Variants in VDR observed in about 807,000 individuals in gnomAD.
VDR encodes vitamin D receptor, also known as vitamin D3 receptor.
Under a neutral mutation model 39.7 loss-of-function variants are expected in VDR, and 19 were observed. The observed-to-expected ratio is 0.48, with a 90% CI of 0.33 to 0.70. VDR has a LOEUF of 0.70. Among genes scored for constraint, VDR ranks in the 30% least tolerant of loss-of-function variants. The pLI is 0.02. For missense variants in VDR, 442 were observed against 570.5 expected (o/e 0.77, Z 2.29); for synonymous variants, 242 against 215.8 (o/e 1.12, Z -1.07).
Position 47,882,703 on chromosome 12 carries a change from CA to C in VDR, c.-13del, listed in dbSNP as rs754348792. 2 of 1,475,984 alleles carry C rather than the reference CA, an allele frequency of 1.4e-6. No homozygotes were observed. The highest frequency in any genetic ancestry group is 2.4e-5 in the South Asian group (2 of 82,208). 91.4% of individuals were successfully genotyped at this position (1,475,984 alleles called of 1,614,324 possible). A position where few individuals can be genotyped will look rare whatever the true frequency, so the allele number is the denominator to read the frequency against. ...ATGAGGAAACACCTACCTGAAGGAG[CA>C]GGGGGCAGGTAAGTGGAGCCCAGGG... On this transcript the variant is annotated 5_prime_UTR_variant, in exon 2 of 10. Transcript: ENST00000549336.
chr12:47,865,497 G>C (rs1432550002), intron 3 of VDR, among the ~76,000 whole-genome samples: 4 of 151,820 alleles, frequency 2.6e-5, no homozygotes, highest in Non-Finnish European at 5.9e-5. Context: ...CTGCAGGCTG[G>C]ACCTCCTGGG....
In VDR at chr12:47,844,921, C is replaced by T. The variant is rs202139940; in HGVS notation, c.1109G>A (p.Arg370His). 37 of 1,614,052 alleles carry T rather than the reference C, an allele frequency of 2.3e-5. No homozygotes were observed. Among genetic ancestry groups the T allele is most frequent in the East Asian group, 1.8e-4 (8 of 44,868 alleles). Residue 370 changes from arginine to histidine, a missense_variant, in exon 10 of 10, where the codon CGC becomes CAC. Coordinates refer to ENST00000549336, the MANE Select transcript of VDR (RefSeq NM_000376.3). ...SNTLQTYIRC[R>H]HPPPGSHLLY... ...CAGGTGGCTGCCCGGGGGCGGGTGG[C>T]GGCAGCGGATGTACGTCTGCAGTGT...
At chr12:47,853,374 C>T (rs1445301605) in intron 7 of VDR, among the ~76,000 whole-genome samples, 3 of 149,354 alleles carry the variant, frequency 2.0e-5, no homozygotes, top group South Asian at 2.1e-4. Flanking sequence ...ACCCGGGAGG[C>T]GGAGCTTGCA....
chr12:47,874,678 T>C (rs1158291406), intron 3 of VDR, among the ~76,000 whole-genome samples: 2 of 152,220 alleles, frequency 1.3e-5, no homozygotes, highest in Non-Finnish European at 2.9e-5. Context: ...AGGCAAACGA[T>C]GACCTGTTTC....
At chr12:47,886,887 C>T (rs1946265699) in intron 1 of VDR, among the ~76,000 whole-genome samples, 2 of 152,308 alleles carry the variant, frequency 1.3e-5, no homozygotes, top group South Asian at 4.1e-4. Context: ...TGGAACAGCA[C>T]CCCATAGCTT....
rs2137146014 is a variant in VDR, at chr12:47,857,229, A to G, written c.483T>C (p.Asp161=). The stretch of plus-strand genomic sequence containing the variant: ...GCCTGGAAGGATGGCTCCCTCCACC[A>G]TCATTCACACGAACTGGAGGCTGGA... ...CQFRPPVRVN[D]GGGSHPSRPN... Residue 161 remains aspartate, a synonymous_variant, in exon 6 of 10, where the codon GAT becomes GAC. Coordinates refer to ENST00000549336, the MANE Select transcript of VDR (RefSeq NM_000376.3). The G allele has an allele frequency of 1.2e-6, 2 of 1,614,058 alleles. No homozygotes were observed. Among genetic ancestry groups the G allele is most frequent in the Admixed American group, 1.7e-5 (1 of 60,014 alleles).
intron 4 of VDR, among the ~76,000 whole-genome samples, chr12:47,864,112 G>A (rs11574070): frequency 0.024 from 3,685 of 152,264 alleles, 183 homozygotes; most frequent in African/African-American, 0.084. Context: ...GGGCCGGGTG[G>A]GGGTCTGGAT....
intron 3 of VDR, among the ~76,000 whole-genome samples, chr12:47,871,276 CTCTTTCTTTCTCTTTCTCTTTCTT>C (rs1945851373): frequency 2.2e-5 from 3 of 138,450 alleles, no homozygotes; most frequent in African/African-American, 7.6e-5. Context: ...TCTTTCTTTT[CTCTTTCTTTCTCTTTCTCTTTCTT>C]TCTTTCTTTC....
intron 3 of VDR, among the ~76,000 whole-genome samples, chr12:47,869,096 G>A (rs1945795789): frequency 6.6e-6 from 1 of 152,218 alleles, no homozygotes; most frequent in South Asian, 2.1e-4. Context: ...AGGGTTGCCT[G>A]AAAAGAGATT....
chr12:47,887,979 G>A lies in VDR; in HGVS notation c.-83-5205C>T, dbSNP rs143784926. On this transcript the variant is annotated intron_variant, in intron 1 of 9. Transcript: ENST00000549336. ...CTGACACCCCCTGCAGTATCAGGGT[G>A]TATTAGTCTGTTTTCACGATGCTGA... Among the ~76,000 whole-genome samples, 239 of 152,334 alleles carry A rather than the reference G, an allele frequency of 1.6e-3. 2 individuals are homozygous for A. The highest frequency in any genetic ancestry group is 5.1e-3 in the African/African-American group (212 of 41,584).
At chr12:47,875,669 A>T (rs919465135) in intron 3 of VDR, among the ~76,000 whole-genome samples, 1 of 152,214 alleles carries the variant, frequency 6.6e-6, no homozygotes, top group African/African-American at 2.4e-5. Flanking sequence ...CATGGTAGTT[A>T]TGGTCTATAG....
intron 1 of VDR, among the ~76,000 whole-genome samples, chr12:47,884,779 G>T (rs1453033724): frequency 6.6e-6 from 1 of 152,112 alleles, no homozygotes; most frequent in Non-Finnish European, 1.5e-5. Context: ...AGAACCTGGG[G>T]ATTGTTCTTT....
intron 1 of VDR, among the ~76,000 whole-genome samples, chr12:47,886,679 C>T (rs1163549401): frequency 6.6e-6 from 1 of 152,008 alleles, no homozygotes; most frequent in East Asian, 1.9e-4. Flanking sequence ...CAAGAGATAA[C>T]ATTCAGCTCT....
chr12:47,892,201 C>A (rs1434591821), intron 1 of VDR, among the ~76,000 whole-genome samples: 1 of 152,204 alleles, frequency 6.6e-6, no homozygotes, highest in African/African-American at 2.4e-5. Context: ...CAGGGCTGGG[C>A]TAACTCTCCA....
intron 9 of VDR, among the ~76,000 whole-genome samples, chr12:47,845,766 A>G (rs978563976): frequency 6.6e-6 from 1 of 152,220 alleles, no homozygotes; most frequent in Non-Finnish European, 1.5e-5. Flanking sequence ...GGCACAGGCC[A>G]CTAGCACAGG....
chr12:47,852,170 C>G (rs965755948), intron 7 of VDR, among the ~76,000 whole-genome samples: 1 of 152,210 alleles, frequency 6.6e-6, no homozygotes, highest in African/African-American at 2.4e-5. Flanking sequence ...TATGCAATCT[C>G]AGCCACCATT....
chr12:47,865,023 C>G, intron 4 of VDR, 24 bp downstream of exon 4: 2 of 1,612,264 alleles, frequency 1.2e-6, no homozygotes, highest in South Asian at 2.2e-5. Flanking sequence ...AGGCCCAAAC[C>G]CTGCCCAGCC....
intron 1 of VDR, chr12:47,904,576 C>T: frequency 6.5e-7 from 1 of 1,535,820 alleles, no homozygotes; most frequent in Non-Finnish European, 8.7e-7. Flanking sequence ...TCCACTCCAG[C>T]AGTTCTGAGC....
At position 47,864,106 on chromosome 12, in the gene VDR, C is replaced by T. The variant is rs542414362; in HGVS notation, c.277+941G>A. Among the ~76,000 whole-genome samples the T allele has an allele frequency of 3.9e-5, 6 of 152,240 alleles. No homozygotes were observed. The South Asian group carries it at 1.2e-3, about 32-fold the overall frequency. On this transcript the variant is annotated intron_variant, in intron 4 of 9. Transcript: ENST00000549336. ...GAGGGCCTGGGTTCTGTCCTAGGGC[C>T]GGGTGGGGGTCTGGATGCAGATGGC...
Sources: gnomAD v4.1 joint callset for allele counts (sites outside exome capture counted in the v4.1 genomes callset) on GRCh38, gnomAD v4.1.1 for gene constraint, MANE v1.5 for transcripts, NCBI Gene and HGNC (gene_info 2026-07-23, HGNC 2026-07-21) for gene names.